FREM1: variants seen among roughly 807,000 people sequenced by gnomAD.
The protein encoded by FREM1 is FRAS1 related extracellular matrix 1.
FREM1 carries 220 observed loss-of-function variants against 210.1 expected under a neutral mutation model. The observed-to-expected ratio is 1.05, with a 90% confidence interval of 0.94 to 1.17. FREM1 has a LOEUF of 1.17. Among genes scored for constraint, FREM1 ranks in the 50% most tolerant of loss-of-function variants. The probability of loss-of-function intolerance (pLI) is 0.00; values close to 1 mark genes in which losing one functional copy is unlikely to be tolerated. For synonymous variants in FREM1, 1,189 were observed against 980.2 expected (o/e 1.21, Z -3.98); for missense variants, 3,454 against 2,675.5 (o/e 1.29, Z -6.42).
intron 29 of FREM1, among the ~76,000 whole-genome samples, chr9:14,754,173 A>G (rs559445716): frequency 6.0e-4 from 92 of 152,310 alleles, no homozygotes; most frequent in Non-Finnish European, 1.0e-3. Context: ...TATGAAGATG[A>G]CATATGGCAA....
chr9:14,817,351 G>C (rs1007561327), intron 14 of FREM1, among the ~76,000 whole-genome samples: 1 of 152,166 alleles, frequency 6.6e-6, no homozygotes, highest in Non-Finnish European at 1.5e-5. Context: ...CTTGATCAAT[G>C]AATTATGTAT....
chr9:14,817,671 T>C (rs1322778487), intron 14 of FREM1, among the ~76,000 whole-genome samples: 1 of 152,142 alleles, frequency 6.6e-6, no homozygotes, highest in Non-Finnish European at 1.5e-5. Flanking sequence ...TAATATAATA[T>C]ATTGAACATG....
In FREM1 at chr9:14,807,225, C is replaced by T. The variant is rs74882079; in HGVS notation, c.3089-379G>A. Among the ~76,000 whole-genome samples, 866 of 152,214 alleles carry T rather than the reference C, an allele frequency of 5.7e-3. 6 individuals are homozygous for T. The highest frequency in any genetic ancestry group is 0.02 in the African/African-American group (822 of 41,538). On this transcript the variant is annotated intron_variant, in intron 17 of 36. Transcript: ENST00000380880. ...TTGCCCAACTGTTTTAATGTTAAGC[C>T]ACTAAACGTAGTTTATGTACTCTTC...
chr9:14,807,529 G>A (rs557515011), intron 17 of FREM1, among the ~76,000 whole-genome samples: 32 of 152,102 alleles, frequency 2.1e-4, no homozygotes, highest in Non-Finnish European at 3.5e-4. Flanking sequence ...TGGTCTCTCC[G>A]GTATACTCAC....
intron 10 of FREM1, among the ~76,000 whole-genome samples, chr9:14,827,498 C>G (rs954221210): frequency 6.6e-5 from 10 of 152,072 alleles, no homozygotes; most frequent in African/African-American, 2.4e-4. Flanking sequence ...CAGAAATGAA[C>G]TAAAGCCAGA....
chr9:14,843,361 C>T (rs940638992), intron 8 of FREM1, among the ~76,000 whole-genome samples: 13 of 152,198 alleles, frequency 8.5e-5, no homozygotes, highest in African/African-American at 2.9e-4. Context: ...CCATCAGCTT[C>T]CCTGGTTCTC....
rs1390421545 is a variant in FREM1 at position 14,823,248 on chromosome 9, G to A, written c.2249C>T (p.Thr750Ile). The change falls in exon 13 of 37, where the codon ACA (threonine) becomes ATA (isoleucine). Residue 750 changes from threonine to isoleucine, a missense_variant. Coordinates refer to ENST00000380880, the MANE Select transcript of FREM1 (RefSeq NM_001379081.2). ...IGPHCRDVQF[T>I]FSVSNQHGGT... ...GCCATGTTGGTTACTGACAGAAAAT[G>A]TGAACTGGACATCTCTGCAATGGGG... is the stretch of plus-strand genomic sequence containing the variant. 6.2e-7 allele frequency: 1 copy of A among 1,613,886 alleles called. No individual in the cohort carries two copies.
At chr9:14,860,563 A>ATGTGTATATATATGTGTATATATGTGTG (rs1564098823) in intron 3 of FREM1, among the ~76,000 whole-genome samples, 1 of 125,032 alleles carries the variant, frequency 8.0e-6, no homozygotes, top group African/African-American at 3.5e-5. Context: ...ATACACACAT[A>ATGTGTATATATATGTGTATATATGTGTG]TATATACACA....
intron 25 of FREM1, among the ~76,000 whole-genome samples, chr9:14,771,613 A>G (rs537859106): frequency 6.6e-6 from 1 of 152,276 alleles, no homozygotes; most frequent in Non-Finnish European, 1.5e-5. Context: ...GAACAGATCC[A>G]CCACTGATAC....
rs1435419457 is a variant in FREM1, at chr9:14,797,545, A to C, written c.3792T>G (p.Ile1264Met). The change falls in exon 21 of 37, where the codon ATT (isoleucine) becomes ATG (methionine). Residue 1264 changes from isoleucine (I) to methionine (M), a missense_variant. Coordinates refer to ENST00000380880, the MANE Select transcript of FREM1 (RefSeq NM_001379081.2). ...CATTAACTGGGATGACCTCTACTGA[A>C]ATGGTTTTAAGTATCTTATGTTTCC... ...SDGKHKILKTISVEVIPVNDE... is the reference protein window; with the variant it reads ...SDGKHKILKTMSVEVIPVNDE... The C allele has an allele frequency of 6.2e-7, 1 of 1,612,904 alleles. No individual in the cohort carries two copies. Among genetic ancestry groups the C allele is most frequent in the Non-Finnish European group, 8.5e-7 (1 of 1,179,222 alleles).
chr9:14,886,370 G>T (rs1385703297), intron 1 of FREM1, among the ~76,000 whole-genome samples: 1 of 109,548 alleles, frequency 9.1e-6, no homozygotes, highest in African/African-American at 3.6e-5. Flanking sequence ...TGGTGACAGA[G>T]TGAGACTCCG....
At chr9:14,808,919 T>C (rs1344355346) in intron 16 of FREM1, among the ~76,000 whole-genome samples, 1 of 152,226 alleles carries the variant, frequency 6.6e-6, no homozygotes, top group Non-Finnish European at 1.5e-5. Context: ...AGAAAAGTTT[T>C]GCACATGTGC....
Position 14,823,220 on chromosome 9 carries a change from A to C in FREM1, c.2277T>G (p.Gly759=), listed in dbSNP as rs16932323. 1.2e-6 allele frequency: 2 copies of C among 1,613,820 alleles called. No individual in the cohort carries two copies. The highest frequency in any genetic ancestry group is 2.2e-5 in the East Asian group (1 of 44,884). The part of the protein sequence containing the change: ...FTFSVSNQHG[G]TLHGICFNIT... ...TGTTAAAGCAGATCCCATGCAAAGT[A>C]CCGCCATGTTGGTTACTGACAGAAA... Residue 759 remains glycine (G), a synonymous_variant, in exon 13 of 37, where the codon GGT becomes GGG. Coordinates refer to ENST00000380880, the MANE Select transcript of FREM1 (RefSeq NM_001379081.2).
intron 21 of FREM1, among the ~76,000 whole-genome samples, chr9:14,794,185 T>A (rs1426684834): frequency 2.6e-5 from 4 of 152,116 alleles, no homozygotes; most frequent in African/African-American, 7.2e-5. Flanking sequence ...GAAGGTAATT[T>A]ATTTGTGAAG....
intron 5 of FREM1, among the ~76,000 whole-genome samples, chr9:14,856,446 A>T (rs150908281): frequency 5.9e-5 from 9 of 152,324 alleles, no homozygotes; most frequent in African/African-American, 1.2e-4. Context: ...TTGTCATATC[A>T]ATTCCTTGGG....
chr9:14,789,343 G>C (rs758954449), intron 22 of FREM1, among the ~76,000 whole-genome samples: 21 of 152,068 alleles, frequency 1.4e-4, no homozygotes, highest in Non-Finnish European at 2.5e-4. Flanking sequence ...GGTTTCAGAC[G>C]AAGTCAAACA....
intron 18 of FREM1, 68 bp downstream of exon 18, chr9:14,806,593 T>A (rs971821033): frequency 7.5e-6 from 7 of 928,118 alleles, no homozygotes; most frequent in Non-Finnish European, 1.2e-5. Flanking sequence ...TTATTAAGCA[T>A]GACCTGGCCA....
chr9:14,796,297 T>C (rs996352515), intron 21 of FREM1, among the ~76,000 whole-genome samples: 1 of 152,186 alleles, frequency 6.6e-6, no homozygotes, highest in Non-Finnish European at 1.5e-5. Flanking sequence ...CTCTTACTGT[T>C]GCACTATTGA....
At chr9:14,903,135 A>G (rs928144070) in intron 1 of FREM1, among the ~76,000 whole-genome samples, 3 of 152,098 alleles carry the variant, frequency 2.0e-5, no homozygotes, top group Non-Finnish European at 4.4e-5. Context: ...GACATAGACT[A>G]TTTTTCAAAA....
Sources: allele counts gnomAD v4.1 joint callset (sites outside exome capture counted in the v4.1 genomes callset), GRCh38; gene constraint gnomAD v4.1.1; transcripts MANE v1.5; gene names NCBI Gene and HGNC (gene_info 2026-07-23, HGNC 2026-07-21).